Variants in EPB41L4A observed in about 807,000 individuals in gnomAD.
EPB41L4A encodes the protein band 4.1-like protein 4A.
A neutral mutation model predicts 108.6 loss-of-function variants in EPB41L4A; 100 were observed. That is an observed-to-expected ratio of 0.92 (90% CI 0.78 to 1.09). The LOEUF is 1.09. Ranked by LOEUF, EPB41L4A falls within the 50% of genes least tolerant of loss-of-function variation. EPB41L4A has a pLI of 0.00. For missense variants in EPB41L4A, 1,030 were observed against 842.7 expected (o/e 1.22, Z -2.75); for synonymous variants, 319 against 289.0 (o/e 1.10, Z -1.05).
chr5:112,417,995 T>C (rs1306181390), intron 1 of EPB41L4A, among the ~76,000 whole-genome samples: 1 of 152,150 alleles, frequency 6.6e-6, no homozygotes, highest in South Asian at 2.1e-4. Context: ...TAAGAGAGGA[T>C]ACTTGGCAGC....
At chr5:112,253,380 G>A (rs1054833314) in intron 9 of EPB41L4A, among the ~76,000 whole-genome samples, 10 of 152,066 alleles carry the variant, frequency 6.6e-5, no homozygotes, top group African/African-American at 9.7e-5. Context: ...TTAAAACAGT[G>A]GGGTATAACT....
chr5:112,328,105 C>G (rs929410318), intron 1 of EPB41L4A, among the ~76,000 whole-genome samples: 1 of 151,998 alleles, frequency 6.6e-6, no homozygotes, highest in Admixed American at 6.5e-5. Flanking sequence ...GTCAGGAGAT[C>G]GAGACCATCC....
intron 1 of EPB41L4A, among the ~76,000 whole-genome samples, chr5:112,332,234 T>C (rs1235414283): frequency 6.6e-6 from 1 of 152,226 alleles, no homozygotes; most frequent in Non-Finnish European, 1.5e-5. Flanking sequence ...AGTTCTCTAT[T>C]CCTAACTATC....
chr5:112,419,808 G>C (rs992978697), upstream of EPB41L4A: 8 of 456,644 alleles, frequency 1.8e-5, no homozygotes, highest in African/African-American at 1.6e-4. Flanking sequence ...GCTCCCGTCC[G>C]GGGACTCCCG....
At chr5:112,397,504 A>T (rs1761439095) in intron 1 of EPB41L4A, among the ~76,000 whole-genome samples, 1 of 152,234 alleles carries the variant, frequency 6.6e-6, no homozygotes, top group East Asian at 1.9e-4. Context: ...ATGCAATATG[A>T]ATATGAATTT....
In EPB41L4A at chr5:112,259,881, C is replaced by G. The variant is rs763307722; in HGVS notation, c.731+10G>C. On this transcript the variant is annotated intron_variant, in intron 8 of 22. Coordinates refer to ENST00000261486, the MANE Select transcript of EPB41L4A (RefSeq NM_022140.5). ...ATAGAATGCCAACTCTGTTCTCAAG[C>G]CATACCTACCAGAAATACTTCCCCA... is the stretch of plus-strand genomic sequence containing the variant. 5.0e-6 allele frequency: 8 copies of G among 1,607,926 alleles called. No homozygotes were observed. The East Asian group carries it at 1.8e-4, about 36-fold the overall frequency.
chr5:112,180,954 G>A (rs1170877225), intron 18 of EPB41L4A, among the ~76,000 whole-genome samples: 1 of 152,088 alleles, frequency 6.6e-6, no homozygotes, highest in African/African-American at 2.4e-5. Flanking sequence ...CAAAAATGTG[G>A]TTATCATCAT....
At chr5:112,237,335 C>T (rs1235250065) in intron 11 of EPB41L4A, among the ~76,000 whole-genome samples, 5 of 152,014 alleles carry the variant, frequency 3.3e-5, no homozygotes, top group South Asian at 2.1e-4. Context: ...AAAAAAAGTC[C>T]GATTTTTCCC....
At chr5:112,209,056 A>G (rs1182594909) in intron 13 of EPB41L4A, among the ~76,000 whole-genome samples, 3 of 152,254 alleles carry the variant, frequency 2.0e-5, no homozygotes, top group Non-Finnish European at 4.4e-5. Flanking sequence ...TCTTGCTGAG[A>G]AATTATGAAC....
At chr5:112,222,092 CA>C (rs2150338738) in intron 12 of EPB41L4A, among the ~76,000 whole-genome samples, 1 of 152,220 alleles carries the variant, frequency 6.6e-6, no homozygotes, top group East Asian at 1.9e-4. Context: ...TAAGATGCCC[CA>C]AAGAACTTAC....
At chr5:112,287,745 G>A (rs188186671) in intron 2 of EPB41L4A, among the ~76,000 whole-genome samples, 63 of 152,296 alleles carry the variant, frequency 4.1e-4, no homozygotes, top group Admixed American at 2.6e-4. Context: ...GGCTTGCAGG[G>A]AGGCTGTCTC....
At chr5:112,205,890 T>A (rs1762449187) in intron 13 of EPB41L4A, 1 of 188,628 alleles carries the variant, frequency 5.3e-6, no homozygotes, top group African/African-American at 2.4e-5. Context: ...TTTACAACAG[T>A]GATCAGAGAA....
intron 1 of EPB41L4A, among the ~76,000 whole-genome samples, chr5:112,394,489 A>G (rs906717535): frequency 3.9e-5 from 6 of 152,188 alleles, no homozygotes; most frequent in Non-Finnish European, 8.8e-5. Context: ...TCCCATTCAC[A>G]ATTGCTTCAA....
At chr5:112,326,560 T>C (rs1756178252) in intron 1 of EPB41L4A, among the ~76,000 whole-genome samples, 1 of 152,228 alleles carries the variant, frequency 6.6e-6, no homozygotes, top group South Asian at 2.1e-4. Context: ...GGCTTTTGTC[T>C]TTGTAAGCTC....
At chr5:112,200,894 GAT>G (rs1204557976) in intron 15 of EPB41L4A, among the ~76,000 whole-genome samples, 1 of 152,110 alleles carries the variant, frequency 6.6e-6, no homozygotes, top group Non-Finnish European at 1.5e-5. Flanking sequence ...TCCACCTCAT[GAT>G]AAACAAAATA....
chr5:112,293,930 T>C (rs1753820864), intron 2 of EPB41L4A, among the ~76,000 whole-genome samples: 1 of 152,260 alleles, frequency 6.6e-6, no homozygotes, highest in Admixed American at 6.5e-5. Context: ...TAGAAAAATC[T>C]ACTTTTAGAA....
intron 2 of EPB41L4A, among the ~76,000 whole-genome samples, chr5:112,302,056 G>T (rs988791658): frequency 1.7e-4 from 26 of 152,040 alleles, no homozygotes; most frequent in African/African-American, 6.0e-4. Flanking sequence ...GTACAAAATT[G>T]CTATGAAATA....
Position 112,190,354 on chromosome 5 carries a change from C to T in EPB41L4A, c.1502+4214G>A, listed in dbSNP as rs1354262006. Among the ~76,000 whole-genome samples the T allele has an allele frequency of 2.0e-5, 3 of 152,024 alleles. No individual in the cohort carries two copies. The South Asian group carries it at 6.2e-4, about 32-fold the overall frequency. On this transcript the variant is annotated intron_variant, in intron 17 of 22. Coordinates refer to ENST00000261486, the MANE Select transcript of EPB41L4A (RefSeq NM_022140.5). ...CACCCCCTTATGAATCTGATAAAAA[C>T]TACAGACCCTATCTTTAGAAAACTA...
At chr5:112,270,905 A>T (rs4299773) in intron 4 of EPB41L4A, among the ~76,000 whole-genome samples, 1 of 152,220 alleles carries the variant, frequency 6.6e-6, no homozygotes, top group African/African-American at 2.4e-5. Flanking sequence ...ACTCTAAAAA[A>T]TATTATGAAT....
Sources: gnomAD v4.1 joint callset for allele counts (sites outside exome capture counted in the v4.1 genomes callset) on GRCh38, gnomAD v4.1.1 for gene constraint, MANE v1.5 for transcripts, NCBI Gene and HGNC (gene_info 2026-07-23, HGNC 2026-07-21) for gene names.